The following LRRN3 variants were observed in gnomAD, a reference collection of about 807,000 sequenced individuals.
The protein encoded by LRRN3 is leucine rich repeat neuronal 3, also known as leucine-rich repeat neuronal protein 3.
A neutral mutation model predicts 40.1 loss-of-function variants in LRRN3; 15 were observed. That is an observed-to-expected ratio of 0.37 (90% confidence interval 0.25 to 0.58). The LOEUF (loss-of-function observed/expected upper bound fraction) is 0.58, where lower values mean the gene tolerates loss of function less well. Among genes scored for constraint, LRRN3 ranks in the 20% least tolerant of loss-of-function variants. LRRN3 has a pLI of 0.72. For synonymous variants in LRRN3, 308 were observed against 297.2 expected (o/e 1.04, Z -0.37); for missense variants, 746 against 837.7 (o/e 0.89, Z 1.35).
intron 2 of LRRN3, among the ~76,000 whole-genome samples, chr7:111,107,558 CTG>C (rs1186750322): frequency 5.3e-5 from 8 of 152,172 alleles, no homozygotes; most frequent in African/African-American, 1.9e-4. Context: ...TAAAAAGATT[CTG>C]TGCATGTATA....
chr7:111,095,161 G>A (rs1797272216), intron 1 of LRRN3, among the ~76,000 whole-genome samples: 1 of 151,962 alleles, frequency 6.6e-6, no homozygotes, highest in African/African-American at 2.4e-5. Flanking sequence ...GGGGAGACAT[G>A]CTTTCATAGA....
chr7:111,111,947 T>G (rs1238736895), intron 2 of LRRN3, among the ~76,000 whole-genome samples: 12 of 131,278 alleles, frequency 9.1e-5, no homozygotes, highest in African/African-American at 2.9e-4. Context: ...AGTTTGTTTT[T>G]TTTTTTTTTT....
intron 2 of LRRN3, among the ~76,000 whole-genome samples, chr7:111,114,528 G>A (rs1288448717): frequency 6.6e-6 from 1 of 152,030 alleles, no homozygotes; most frequent in Non-Finnish European, 1.5e-5. Context: ...ATTAGGTCAG[G>A]AGTTTGAGAC....
At chr7:111,121,108 T>A (rs1185291710) in intron 2 of LRRN3, among the ~76,000 whole-genome samples, 1 of 152,200 alleles carries the variant, frequency 6.6e-6, no homozygotes, top group Non-Finnish European at 1.5e-5. Flanking sequence ...AAATAATAAA[T>A]GTTTAACCTT....
intron 2 of LRRN3, among the ~76,000 whole-genome samples, chr7:111,108,018 A>G (rs777555986): frequency 9.9e-5 from 15 of 152,240 alleles, no homozygotes; most frequent in Middle Eastern, 3.4e-3. Flanking sequence ...CCGAGTATAT[A>G]TGGCTTTCTT....
chr7:111,115,519 C>A lies in LRRN3; in HGVS notation c.-358-6896C>A, dbSNP rs576428225. Among the ~76,000 whole-genome samples, 16 of 152,094 alleles carry A rather than the reference C, an allele frequency of 1.1e-4. No individual in the cohort carries two copies. The East Asian group carries it at 1.4e-3, about 13-fold the overall frequency. ...GCCTGTGATTAAGATTTCATCCCCC[C>A]CTCTGTAAAAGAAAATTATAAAGAG... On this transcript the variant is annotated intron_variant, in intron 2 of 2. Coordinates refer to ENST00000308478, the MANE Select transcript of LRRN3 (RefSeq NM_001099658.2).
At chr7:111,108,442 A>AC (rs1798796061) in intron 2 of LRRN3, among the ~76,000 whole-genome samples, 1 of 152,076 alleles carries the variant, frequency 6.6e-6, no homozygotes, top group Non-Finnish European at 1.5e-5. Flanking sequence ...TATATATTAT[A>AC]CCCCCACTAC....
intron 2 of LRRN3, among the ~76,000 whole-genome samples, chr7:111,116,025 T>G (rs1173973751): frequency 1.3e-5 from 2 of 152,114 alleles, no homozygotes; most frequent in African/African-American, 4.8e-5. Context: ...AAGCCTCAAT[T>G]CTAAAAACAA....
In LRRN3 at chr7:111,124,932, CA is replaced by C. The variant is rs398005852; in HGVS notation, c.*46del. The C allele has an allele frequency of 0.17, 134,424 of 809,620 alleles. 639 individuals are homozygous for C. Among genetic ancestry groups the C allele is most frequent in the African/African-American group, 0.22 (10,743 of 48,350 alleles). 50.2% of individuals were successfully genotyped at this position (809,620 alleles called of 1,614,324 possible). On this transcript the variant is annotated 3_prime_UTR_variant, in exon 3 of 3. Coordinates refer to ENST00000308478, the MANE Select transcript of LRRN3 (RefSeq NM_001099658.2). ...CAAGGAAACCTACTCCAAAAATGAA[CA>C]AAAAAAAAAAAAGCGAAAGACTGCA...
rs934485699 is a variant in LRRN3, at chr7:111,091,270, A to C, written c.-675A>C. On this transcript the variant is annotated 5_prime_UTR_variant, in exon 1 of 3. Transcript: ENST00000308478. ...GAGAAAAAGAGTTCCAGGAAAAAGA[A>C]GGAATCCCGGCTGCAGCCTCCTGCC... 6.6e-6 allele frequency: 1 copy of C among 152,232 alleles called. No homozygotes were observed. The highest frequency in any genetic ancestry group is 1.5e-5 in the Non-Finnish European group (1 of 68,054). The allele number at this position is 152,232 out of a possible 1,614,324, so 9.4% of individuals were successfully genotyped here.
rs897609757 is a variant in LRRN3 at position 111,125,094 on chromosome 7, C to T, written c.*195C>T. ...TGTACAACTTCAGCATTTTAAGTAACTGGCTTCAAGGGGTACTGTGGCAAC... is the reference window on the plus strand; with the variant it reads ...TGTACAACTTCAGCATTTTAAGTAATTGGCTTCAAGGGGTACTGTGGCAAC... On this transcript the variant is annotated 3_prime_UTR_variant, in exon 3 of 3. Transcript: ENST00000308478. 17 of 501,068 alleles carry T rather than the reference C, an allele frequency of 3.4e-5. No individual in the cohort carries two copies. Among genetic ancestry groups the T allele is most frequent in the Non-Finnish European group, 5.7e-5 (16 of 280,746 alleles). The allele number at this position is 501,068 out of a possible 1,614,324, so 31.0% of individuals were successfully genotyped here.
chr7:111,120,179 T>C (rs553547613), intron 2 of LRRN3, among the ~76,000 whole-genome samples: 57 of 152,150 alleles, frequency 3.7e-4, no homozygotes, highest in African/African-American at 1.2e-3. Flanking sequence ...AAAAGAAAAA[T>C]ATCTAGGTCT....
Position 111,124,226 on chromosome 7 carries a change from G to A in LRRN3, c.1454G>A (p.Gly485Asp), listed in dbSNP as rs1357818004. The A allele has an allele frequency of 1.2e-6, 2 of 1,613,912 alleles. No homozygotes were observed. The highest frequency in any genetic ancestry group is 1.7e-5 in the Admixed American group (1 of 59,954). Residue 485 changes from glycine to aspartate, a missense_variant, in exon 3 of 3, where the codon GGC becomes GAC. Coordinates refer to ENST00000308478, the MANE Select transcript of LRRN3 (RefSeq NM_001099658.2). ...VHSEGTLDIN[G>D]VTPKEGGLYT... is the part of the protein sequence containing the mutation. ...TCTGAGGGAACACTAGATATAAATG[G>A]CGTAACTCCCAAAGAAGGGGGTTTA...
At chr7:111,114,979 CT>C (rs1477172264) in intron 2 of LRRN3, among the ~76,000 whole-genome samples, 3 of 152,010 alleles carry the variant, frequency 2.0e-5, no homozygotes, top group Non-Finnish European at 4.4e-5. Flanking sequence ...ATAGAGATCT[CT>C]AGTTTAATTA....
chr7:111,122,517 T>A lies in LRRN3; in HGVS notation c.-256T>A. The A allele has an allele frequency of 4.5e-6, 2 of 449,242 alleles. No homozygotes were observed. Among genetic ancestry groups the A allele is most frequent in the Non-Finnish European group, 7.9e-6 (2 of 252,968 alleles). 27.8% of individuals were successfully genotyped at this position (449,242 alleles called of 1,614,324 possible). A position where few individuals can be genotyped will look rare whatever the true frequency, so the allele number is the denominator to read the frequency against. On this transcript the variant is annotated 5_prime_UTR_variant, in exon 3 of 3. Coordinates refer to ENST00000308478, the MANE Select transcript of LRRN3 (RefSeq NM_001099658.2). Reference sequence around the variant, plus strand: ...ATCTCCTATGACCATCTATACATACTCCACCTTCAAAAAGTACATCAATAT... The same window carrying A: ...ATCTCCTATGACCATCTATACATACACCACCTTCAAAAAGTACATCAATAT...
chr7:111,116,213 A>C (rs1260510584), intron 2 of LRRN3, among the ~76,000 whole-genome samples: 2 of 152,192 alleles, frequency 1.3e-5, no homozygotes. Flanking sequence ...AGAGGAATGG[A>C]AACAGCACAT....
chr7:111,113,375 T>A (rs1210274206), intron 2 of LRRN3, among the ~76,000 whole-genome samples: 1 of 152,134 alleles, frequency 6.6e-6, no homozygotes, highest in Non-Finnish European at 1.5e-5. Flanking sequence ...TGGCAATCAA[T>A]ATAGAATAGT....
intron 2 of LRRN3, among the ~76,000 whole-genome samples, chr7:111,107,365 A>G (rs903419582): frequency 2.6e-5 from 4 of 152,058 alleles, no homozygotes; most frequent in African/African-American, 9.7e-5. Flanking sequence ...ATTCTGTTGT[A>G]AACAGTTTAG....
chr7:111,124,349 A>G lies in LRRN3; in HGVS notation c.1577A>G (p.Asn526Ser), dbSNP rs1314510056. 6.2e-7 allele frequency: 1 copy of G among 1,613,610 alleles called. No homozygotes were observed. Among genetic ancestry groups the G allele is most frequent in the African/African-American group, 1.3e-5 (1 of 74,902 alleles). The change falls in exon 3 of 3, where the codon AAT (asparagine) becomes AGT (serine). Residue 526 changes from asparagine (N) to serine (S), a missense_variant. By Grantham distance (46) the Asn-to-Ser change is conservative (BLOSUM62 1). Transcript: ENST00000308478. ...SFPQDNNGSL[N>S]IKIRDIQANS... ...CCACAAGATAACAATGGCTCTTTGA[A>G]TATTAAAATAAGAGATATTCAGGCC...
Sources: allele counts gnomAD v4.1 joint callset (sites outside exome capture counted in the v4.1 genomes callset), GRCh38; gene constraint gnomAD v4.1.1; transcripts MANE v1.5; gene names NCBI Gene and HGNC (gene_info 2026-07-23, HGNC 2026-07-21).